The following GK5 variants were observed in gnomAD, a reference collection of about 807,000 sequenced individuals.
GK5 encodes the protein ATP:glycerol 3-phosphotransferase 5.
Under a neutral mutation model 77.3 loss-of-function variants are expected in GK5, and 39 were observed. The observed-to-expected ratio is 0.50, with a 90% confidence interval of 0.39 to 0.66. The LOEUF (loss-of-function observed/expected upper bound fraction) is 0.66. Ranked by LOEUF, GK5 falls within the 30% of genes least tolerant of loss-of-function variation. The pLI, the probability that GK5 is intolerant of heterozygous loss-of-function variation, is 0.00. For synonymous variants in GK5, 211 were observed against 208.0 expected (o/e 1.01, Z -0.13); for missense variants, 487 against 633.8 (o/e 0.77, Z 2.49).
chr3:142,224,775 T>C (rs985958349), intron 1 of GK5, among the ~76,000 whole-genome samples: 1 of 152,038 alleles, frequency 6.6e-6, no homozygotes, highest in Admixed American at 6.6e-5. Flanking sequence ...AAGTGAAGAA[T>C]AGAGAATAAA....
chr3:142,166,797 A>T (rs2063477293), intron 15 of GK5, among the ~76,000 whole-genome samples: 1 of 152,158 alleles, frequency 6.6e-6, no homozygotes, highest in Admixed American at 6.5e-5. Flanking sequence ...AGCCCCGCAA[A>T]GTGTTGGGAT....
In GK5 at chr3:142,159,845, C is replaced by CTTTTTTTTTTTTT. The variant is rs1560204229; in HGVS notation, c.*5776_*5777insAAAAAAAAAAAAA. 9.5e-6 allele frequency: 1 copy of CTTTTTTTTTTTTT among 104,714 alleles called. No homozygotes were observed. Among genetic ancestry groups the CTTTTTTTTTTTTT allele is most frequent in the African/African-American group, 4.2e-5 (1 of 24,020 alleles). The allele number at this position is 104,714 out of a possible 1,614,324, so 6.5% of individuals were successfully genotyped here. On this transcript the variant is annotated 3_prime_UTR_variant, in exon 16 of 16. Transcript: ENST00000392993. ...TTTGGGGCTTTCTCTCTCTCTCTCTCTCTCTCTCTTTTTTTTTTTTGAGAC... is the reference window on the plus strand; with the variant it reads ...TTTGGGGCTTTCTCTCTCTCTCTCTCTTTTTTTTTTTTTTCTCTCTCTTTTTTTTTTTTGAGAC...
At chr3:142,175,236 C>T (rs149296097) in intron 12 of GK5, among the ~76,000 whole-genome samples, 39 of 152,300 alleles carry the variant, frequency 2.6e-4, no homozygotes, top group African/African-American at 8.4e-4. Flanking sequence ...CCCCAAACCA[C>T]GAGCCCTGCT....
At chr3:142,216,758 A>G (rs959837350) in intron 1 of GK5, among the ~76,000 whole-genome samples, 1 of 152,190 alleles carries the variant, frequency 6.6e-6, no homozygotes, top group South Asian at 2.1e-4. Context: ...ATGTAATCCT[A>G]AACACTATAC....
Position 142,186,242 on chromosome 3 carries a change from G to C in GK5, c.707C>G (p.Ser236Cys), listed in dbSNP as rs1446623048. 3.1e-6 allele frequency: 5 copies of C among 1,606,680 alleles called. No individual in the cohort carries two copies. The highest frequency in any genetic ancestry group is 1.3e-5 in the African/African-American group (1 of 74,792). Residue 236 changes from serine (S) to cysteine (C), a missense_variant, in exon 8 of 16, where the codon TCT becomes TGT. By Grantham distance (112) the Ser-to-Cys change is moderately radical. Coordinates refer to ENST00000392993, the MANE Select transcript of GK5 (RefSeq NM_001039547.3). ...YKMCWSGMIT[S>C]LISIPLSLLP... ...GAGAGAAAGTGGTATCGAAATTAGA[G>C]AGGTAATCATCCCACTCCAACACAT... is the stretch of plus-strand genomic sequence containing the variant.
At chr3:142,190,558 C>T (rs2063833953) in intron 5 of GK5, among the ~76,000 whole-genome samples, 1 of 152,136 alleles carries the variant, frequency 6.6e-6, no homozygotes, top group Non-Finnish European at 1.5e-5. Flanking sequence ...ATTCAAAAAG[C>T]CCTACAAACC....
At chr3:142,173,130 G>T (rs550721323) in intron 12 of GK5, 2 of 417,044 alleles carry the variant, frequency 4.8e-6, no homozygotes, top group East Asian at 7.1e-5. Flanking sequence ...GTGCCCAGGG[G>T]TTTGAGGCTG....
At position 142,204,199 on chromosome 3, in the gene GK5, G is replaced by T. The variant is rs748265716; in HGVS notation, c.411+496C>A. 8.8e-4 allele frequency: 172 copies of T among 196,240 alleles called. 1 individual carries two copies. The highest frequency in any genetic ancestry group is 1.4e-3 in the Non-Finnish European group (135 of 95,690). 12.2% of individuals were successfully genotyped at this position (196,240 alleles called of 1,614,324 possible). A position where few individuals can be genotyped will look rare whatever the true frequency, so the allele number is the denominator to read the frequency against. ...ATGTTCAGCTAATTTTGCATTATTT[G>T]TAGAGATGAGGTCTTACCATGTTGC... On this transcript the variant is annotated intron_variant, in intron 4 of 15. Transcript: ENST00000392993.
At chr3:142,196,307 T>G (rs2063932574) in intron 5 of GK5, among the ~76,000 whole-genome samples, 1 of 152,064 alleles carries the variant, frequency 6.6e-6, no homozygotes, top group South Asian at 2.1e-4. Context: ...CTCTATTATA[T>G]TAATTTTGTT....
chr3:142,198,797 C>G lies in GK5; in HGVS notation c.543+5G>C, dbSNP rs749571577. On this transcript the variant is annotated splice_donor_5th_base_variant and intron_variant, in intron 5 of 15. Coordinates refer to ENST00000392993, the MANE Select transcript of GK5 (RefSeq NM_001039547.3). ...ATTTTCCACATACACACAGTATTTT[C>G]TTACCTCAGTCAAGTTCTGTAAAAT... 6.9e-5 allele frequency: 111 copies of G among 1,606,484 alleles called. No homozygotes were observed. Among genetic ancestry groups the G allele is most frequent in the Non-Finnish European group, 8.8e-5 (104 of 1,177,388 alleles).
intron 3 of GK5, among the ~76,000 whole-genome samples, chr3:142,204,995 T>C (rs1370976228): frequency 6.6e-6 from 1 of 152,226 alleles, no homozygotes; most frequent in Non-Finnish European, 1.5e-5. Flanking sequence ...GAAATGTATA[T>C]ACTTCCAAAA....
rs1462672006 is a variant in GK5, at chr3:142,186,451, C to T, written c.681+1G>A. 1 of 1,531,776 alleles carries T rather than the reference C, an allele frequency of 6.5e-7. No homozygotes were observed. Among genetic ancestry groups the T allele is most frequent in the South Asian group, 1.3e-5 (1 of 79,458 alleles). 94.9% of individuals were successfully genotyped at this position (1,531,776 alleles called of 1,614,324 possible). A position where few individuals can be genotyped will look rare whatever the true frequency, so the allele number is the denominator to read the frequency against. ...CAAAAAGAAGAAAAAAAAATTTTTA[C>T]CTTATATGGGTCAAAAAGTCCAGTT... On this transcript the variant is annotated splice_donor_variant, in intron 7 of 15. Transcript: ENST00000392993. LOFTEE classifies it high-confidence loss of function.
chr3:142,165,853 G>T, intron 15 of GK5, 83 bp from the exon 16 acceptor site: 1 of 825,184 alleles, frequency 1.2e-6, no homozygotes, highest in Non-Finnish European at 1.8e-6. Context: ...ACGAGTTGCT[G>T]GTAGAAAGGT....
chr3:142,214,623 A>G (rs543373947), intron 2 of GK5, among the ~76,000 whole-genome samples: 5 of 152,340 alleles, frequency 3.3e-5, no homozygotes, highest in African/African-American at 4.8e-5. Context: ...AAAATTGCCA[A>G]TGTCATAAGA....
intron 12 of GK5, among the ~76,000 whole-genome samples, chr3:142,176,264 T>C (rs890439093): frequency 3.9e-5 from 6 of 152,162 alleles, no homozygotes; most frequent in Non-Finnish European, 8.8e-5. Context: ...AATTTTTTTT[T>C]CTACCAGCTT....
intron 15 of GK5, among the ~76,000 whole-genome samples, chr3:142,166,176 A>G (rs746561758): frequency 4.6e-5 from 7 of 152,144 alleles, no homozygotes; most frequent in Non-Finnish European, 8.8e-5. Context: ...TTGCTTAGGA[A>G]TTCAAGGCTG....
Position 142,198,768 on chromosome 3 carries a change from A to C in GK5, c.543+34T>G, listed in dbSNP as rs754991749. The C allele has an allele frequency of 1.3e-5, 21 of 1,567,996 alleles. No homozygotes were observed. In the South Asian group the frequency reaches 2.2e-4, roughly 16 times the overall value. The stretch of plus-strand genomic sequence containing the variant: ...GTCTTTATATGGTTTCCACATACAC[A>C]CATATTTTCCACATACACACAGTAT... On this transcript the variant is annotated intron_variant, in intron 5 of 15. Transcript: ENST00000392993.
At chr3:142,179,180 T>C (rs1329660767) in intron 11 of GK5, among the ~76,000 whole-genome samples, 1 of 152,238 alleles carries the variant, frequency 6.6e-6, no homozygotes, top group Non-Finnish European at 1.5e-5. Context: ...ATTTTATGAT[T>C]TGTTATATAA....
intron 3 of GK5, among the ~76,000 whole-genome samples, chr3:142,207,227 A>AG (rs1030838296): frequency 5.9e-5 from 9 of 152,134 alleles, no homozygotes; most frequent in Non-Finnish European, 1.0e-4. Context: ...CGGACGCATG[A>AG]GGGGGGTGCC....
Sources: gnomAD v4.1 joint callset for allele counts (sites outside exome capture counted in the v4.1 genomes callset) on GRCh38, gnomAD v4.1.1 for gene constraint, MANE v1.5 for transcripts, NCBI Gene and HGNC (gene_info 2026-07-23, HGNC 2026-07-21) for gene names.